The following CSMD1 variants were observed in gnomAD, a reference collection of about 807,000 sequenced individuals.
CSMD1 encodes the protein CUB and Sushi multiple domains 1.
In CSMD1, 213 loss-of-function variants were observed where a neutral mutation model predicts 417.5. The ratio of observed to expected loss-of-function variants is 0.51; its 90% CI spans 0.46 to 0.57. CSMD1 has a LOEUF of 0.57. Ranked by LOEUF, CSMD1 falls within the 20% of genes least tolerant of loss-of-function variation. The pLI is 0.00. For synonymous variants in CSMD1, 2,862 were observed against 1,736.8 expected, an observed-to-expected ratio of 1.65 and a Z score of -16.11; for missense variants, 6,923 against 4,529.7, an observed-to-expected ratio of 1.53 and a Z score of -15.17.
At chr8:4,943,786 T>C (rs1165131255) in intron 1 of CSMD1, among the ~76,000 whole-genome samples, 6 of 152,240 alleles carry the variant, frequency 3.9e-5, no homozygotes, top group Non-Finnish European at 2.9e-5. Flanking sequence ...AAATTGCATG[T>C]TAGAAAAAAT....
At chr8:3,172,406 T>C (rs1022518396) in intron 37 of CSMD1, among the ~76,000 whole-genome samples, 10 of 152,238 alleles carry the variant, frequency 6.6e-5, no homozygotes, top group Non-Finnish European at 1.3e-4. Flanking sequence ...GAGGCATTGC[T>C]GTCATCTGCA....
chr8:3,485,699 G>A (rs944453854), intron 11 of CSMD1, among the ~76,000 whole-genome samples: 2 of 151,772 alleles, frequency 1.3e-5, no homozygotes, highest in African/African-American at 4.8e-5. Flanking sequence ...GGCAGCAGTT[G>A]CAGTGAGTTG....
intron 2 of CSMD1, among the ~76,000 whole-genome samples, chr8:4,443,533 T>A (rs1798606311): frequency 6.6e-6 from 1 of 152,198 alleles, no homozygotes. Flanking sequence ...GTATAGAATT[T>A]CACGAATGAT....
intron 3 of CSMD1, among the ~76,000 whole-genome samples, chr8:4,335,156 A>T (rs998361334): frequency 6.6e-6 from 1 of 152,110 alleles, no homozygotes; most frequent in African/African-American, 2.4e-5. Context: ...CCCTCCTCAC[A>T]GCCTCCCAAG....
At chr8:4,016,027 G>A (rs78496472) in intron 4 of CSMD1, among the ~76,000 whole-genome samples, 1 of 152,124 alleles carries the variant, frequency 6.6e-6, no homozygotes, top group African/African-American at 2.4e-5. Context: ...TTCAGCCTTG[G>A]ACATGACATC....
chr8:4,931,386 C>A (rs1807234598), intron 1 of CSMD1, among the ~76,000 whole-genome samples: 1 of 152,218 alleles, frequency 6.6e-6, no homozygotes, highest in South Asian at 2.1e-4. Context: ...TTAGCTAATA[C>A]TTCCTGAGTG....
At chr8:3,562,742 A>T (rs1799523184) in intron 10 of CSMD1, among the ~76,000 whole-genome samples, 1 of 152,016 alleles carries the variant, frequency 6.6e-6, no homozygotes, top group African/African-American at 2.4e-5. Context: ...GATTGGTTAA[A>T]AATAATAATA....
intron 1 of CSMD1, among the ~76,000 whole-genome samples, chr8:4,964,323 G>A (rs1186819542): frequency 6.6e-6 from 1 of 151,570 alleles, no homozygotes; most frequent in Non-Finnish European, 1.5e-5. Context: ...ACACCAGCAG[G>A]GCAGCATGGC....
intron 3 of CSMD1, among the ~76,000 whole-genome samples, chr8:4,395,042 C>G (rs761370120): frequency 6.6e-6 from 1 of 152,134 alleles, no homozygotes; most frequent in Non-Finnish European, 1.5e-5. Context: ...ATCCCATATC[C>G]CTTTCCCGTG....
intron 5 of CSMD1, among the ~76,000 whole-genome samples, chr8:3,917,612 A>ACCATT (rs1554485588): frequency 3.3e-5 from 5 of 151,700 alleles, no homozygotes; most frequent in African/African-American, 4.9e-5. Context: ...CTTCATATTT[A>ACCATT]TATTTTACCT....
intron 3 of CSMD1, among the ~76,000 whole-genome samples, chr8:4,240,442 T>A (rs1156760209): frequency 2.0e-5 from 3 of 152,198 alleles, no homozygotes; most frequent in African/African-American, 4.8e-5. Flanking sequence ...GATTCACTTG[T>A]GAACTTATTT....
chr8:4,615,802 C>T (rs916550679), intron 2 of CSMD1, among the ~76,000 whole-genome samples: 1 of 152,094 alleles, frequency 6.6e-6, no homozygotes, highest in African/African-American at 2.4e-5. Context: ...ATGACTATTT[C>T]CATCTTATTC....
chr8:3,279,784 G>A (rs1802591627), intron 26 of CSMD1, among the ~76,000 whole-genome samples: 1 of 152,098 alleles, frequency 6.6e-6, no homozygotes, highest in South Asian at 2.1e-4. Flanking sequence ...GTGCAAGCAG[G>A]AGAAATGCCA....
intron 1 of CSMD1, among the ~76,000 whole-genome samples, chr8:4,732,212 G>C (rs971085243): frequency 3.2e-4 from 48 of 152,264 alleles, no homozygotes; most frequent in African/African-American, 1.1e-3. Context: ...AGATGTATCA[G>C]ACCCCATGGG....
intron 5 of CSMD1, among the ~76,000 whole-genome samples, chr8:3,833,384 T>A (rs1284129756): frequency 6.6e-6 from 1 of 152,154 alleles, no homozygotes; most frequent in Admixed American, 6.5e-5. Flanking sequence ...CCTAAAATAA[T>A]TTACTGCATT....
intron 53 of CSMD1, among the ~76,000 whole-genome samples, chr8:2,998,474 A>G (rs1001638537): frequency 2.0e-5 from 3 of 152,214 alleles, no homozygotes; most frequent in Admixed American, 6.5e-5. Flanking sequence ...ACAGAATACC[A>G]AATGATTTAA....
chr8:4,427,469 C>T (rs1797628393), intron 2 of CSMD1, among the ~76,000 whole-genome samples: 1 of 143,340 alleles, frequency 7.0e-6, no homozygotes, highest in African/African-American at 2.6e-5. Context: ...AGGCAAAGTT[C>T]AGAAGAGACT....
intron 5 of CSMD1, chr8:3,950,033 A>G: frequency 2.2e-6 from 1 of 455,726 alleles, no homozygotes. Context: ...TCCTGTGCGT[A>G]TTTGCTGTCA....
chr8:4,287,076 CAA>C (rs1203507851), intron 3 of CSMD1, among the ~76,000 whole-genome samples: 4 of 152,126 alleles, frequency 2.6e-5, no homozygotes, highest in Non-Finnish European at 5.9e-5. Flanking sequence ...CTTGAGAGAA[CAA>C]AAAAGAGTTT....
Sources: gnomAD v4.1 joint callset for allele counts (sites outside exome capture counted in the v4.1 genomes callset) on GRCh38, gnomAD v4.1.1 for gene constraint, MANE v1.5 for transcripts, NCBI Gene and HGNC (gene_info 2026-07-23, HGNC 2026-07-21) for gene names.